Variants in NKAIN2 observed in about 807,000 individuals in gnomAD.
NKAIN2 encodes the protein sodium/potassium transporting ATPase interacting 2.
A neutral mutation model predicts 32.6 loss-of-function variants in NKAIN2; 14 were observed. That is an observed-to-expected ratio of 0.43 (90% confidence interval 0.28 to 0.67). The LOEUF is 0.67. Ranked by LOEUF, NKAIN2 falls within the 30% of genes least tolerant of loss-of-function variation. The pLI, the probability that NKAIN2 is intolerant of heterozygous loss-of-function variation, is 0.17. For synonymous variants in NKAIN2, 80 were observed against 87.2 expected (o/e 0.92, Z 0.46); for missense variants, 198 against 258.3 (o/e 0.77, Z 1.60).
chr6:124,714,574 C>T (rs9375362), intron 4 of NKAIN2, among the ~76,000 whole-genome samples: 5 of 152,060 alleles, frequency 3.3e-5, no homozygotes, highest in Non-Finnish European at 7.4e-5. Context: ...CTACTTATTA[C>T]GGGCTACACA....
intron 3 of NKAIN2, among the ~76,000 whole-genome samples, chr6:124,576,786 A>C (rs894937806): frequency 6.6e-6 from 1 of 152,214 alleles, no homozygotes; most frequent in African/African-American, 2.4e-5. Flanking sequence ...GTATAGTGTC[A>C]AAAAAGATCC....
At chr6:124,433,399 C>G (rs921760426) in intron 3 of NKAIN2, among the ~76,000 whole-genome samples, 1 of 152,156 alleles carries the variant, frequency 6.6e-6, no homozygotes, top group Non-Finnish European at 1.5e-5. Context: ...AGGGGCAGTC[C>G]TCCCCAGCTA....
chr6:124,034,687 A>C (rs751322736), intron 1 of NKAIN2, among the ~76,000 whole-genome samples: 16 of 152,086 alleles, frequency 1.1e-4, no homozygotes, highest in Non-Finnish European at 1.6e-4. Flanking sequence ...TTCTTTGAGA[A>C]GTATCCATAG....
intron 4 of NKAIN2, among the ~76,000 whole-genome samples, chr6:124,736,120 A>ATTTTAGTTTG (rs1776924365): frequency 1.3e-5 from 2 of 152,078 alleles, no homozygotes; most frequent in South Asian, 4.1e-4. Flanking sequence ...ATGCTACTCC[A>ATTTTAGTTTG]ATAAACATAT....
intron 1 of NKAIN2, among the ~76,000 whole-genome samples, chr6:123,867,601 T>C (rs1168859553): frequency 1.3e-5 from 2 of 152,250 alleles, no homozygotes; most frequent in African/African-American, 2.4e-5. Flanking sequence ...ATGTTGGCTA[T>C]TGCCAATTAT....
chr6:124,245,793 C>CATCACAA (rs1371394179), intron 1 of NKAIN2, among the ~76,000 whole-genome samples: 1 of 152,000 alleles, frequency 6.6e-6, no homozygotes, highest in African/African-American at 2.4e-5. Context: ...GCATCACATC[C>CATCACAA]TTTCTATACT....
At chr6:124,759,198 A>G (rs886454996) in intron 4 of NKAIN2, among the ~76,000 whole-genome samples, 3 of 152,140 alleles carry the variant, frequency 2.0e-5, no homozygotes, top group African/African-American at 7.2e-5. Context: ...CAGATCATCT[A>G]TGTAATCTTG....
intron 1 of NKAIN2, among the ~76,000 whole-genome samples, chr6:124,161,981 A>T (rs1788302345): frequency 6.6e-6 from 1 of 152,178 alleles, no homozygotes; most frequent in South Asian, 2.1e-4. Flanking sequence ...AAAATAATGA[A>T]AAATAAAATA....
At chr6:124,013,877 G>T (rs1230412614) in intron 1 of NKAIN2, among the ~76,000 whole-genome samples, 2 of 152,114 alleles carry the variant, frequency 1.3e-5, no homozygotes, top group Non-Finnish European at 2.9e-5. Flanking sequence ...GAATACAGGT[G>T]GCTTTTGGAA....
chr6:124,743,842 T>C (rs1168604334), intron 4 of NKAIN2, among the ~76,000 whole-genome samples: 1 of 151,816 alleles, frequency 6.6e-6, no homozygotes, highest in Non-Finnish European at 1.5e-5. Context: ...CCAGAGAAAA[T>C]CGGGGTCAAG....
At chr6:124,645,308 A>G (rs1784129840) in intron 3 of NKAIN2, among the ~76,000 whole-genome samples, 2 of 152,212 alleles carry the variant, frequency 1.3e-5, no homozygotes, top group Non-Finnish European at 2.9e-5. Context: ...AGGTTGAACA[A>G]TCTGTTTAAG....
chr6:124,795,649 G>A (rs758434833), intron 5 of NKAIN2, among the ~76,000 whole-genome samples: 7 of 152,068 alleles, frequency 4.6e-5, no homozygotes. Flanking sequence ...TCACAGTTTT[G>A]GGGGCTGGAA....
chr6:124,167,360 A>G (rs917078326), intron 1 of NKAIN2, among the ~76,000 whole-genome samples: 15 of 151,836 alleles, frequency 9.9e-5, no homozygotes, highest in African/African-American at 3.1e-4. Flanking sequence ...ATTTTTGTAC[A>G]TTGATTTTGT....
chr6:124,757,970 G>C (rs749948347), intron 4 of NKAIN2, among the ~76,000 whole-genome samples: 4 of 152,150 alleles, frequency 2.6e-5, no homozygotes, highest in Non-Finnish European at 4.4e-5. Context: ...ATTGAGGGAA[G>C]ATAGAAAAAC....
intron 1 of NKAIN2, among the ~76,000 whole-genome samples, chr6:124,162,822 A>G (rs2114457918): frequency 6.6e-6 from 1 of 152,200 alleles, no homozygotes; most frequent in South Asian, 2.1e-4. Flanking sequence ...TATGTTTCTT[A>G]TGTGTAAACA....
chr6:124,288,214 T>C (rs1345241511), intron 2 of NKAIN2, among the ~76,000 whole-genome samples: 1 of 152,194 alleles, frequency 6.6e-6, no homozygotes, highest in Non-Finnish European at 1.5e-5. Flanking sequence ...CAAACTCATA[T>C]GGAAAGGAAA....
chr6:124,108,442 A>G (rs140394061), intron 1 of NKAIN2, among the ~76,000 whole-genome samples: 108 of 152,132 alleles, frequency 7.1e-4, no homozygotes, highest in African/African-American at 2.6e-3. Flanking sequence ...TATTGGATAT[A>G]TAGTTTGTAA....
At chr6:124,446,986 C>T (rs11154239) in intron 3 of NKAIN2, among the ~76,000 whole-genome samples, 8 of 151,830 alleles carry the variant, frequency 5.3e-5, no homozygotes, top group Admixed American at 1.3e-4. Flanking sequence ...CCAACAACAA[C>T]GAATAATTAA....
intron 1 of NKAIN2, among the ~76,000 whole-genome samples, chr6:124,004,642 A>G (rs945883500): frequency 5.3e-5 from 8 of 152,112 alleles, no homozygotes; most frequent in African/African-American, 1.9e-4. Context: ...GTTCTCCCTC[A>G]TAGATGGGAA....
Sources: gnomAD v4.1 joint callset for allele counts (sites outside exome capture counted in the v4.1 genomes callset) on GRCh38, gnomAD v4.1.1 for gene constraint, MANE v1.5 for transcripts, NCBI Gene and HGNC (gene_info 2026-07-23, HGNC 2026-07-21) for gene names.